The following SLC43A2 variants were observed in gnomAD, a reference collection of about 807,000 sequenced individuals.
The protein encoded by SLC43A2 is large neutral amino acids transporter small subunit 4.
SLC43A2 carries 38 observed loss-of-function variants against 63.2 expected under a neutral mutation model. The ratio of observed to expected loss-of-function variants is 0.60; its 90% CI spans 0.46 to 0.79. The LOEUF is 0.79. Ranked by LOEUF, SLC43A2 falls within the 30% of genes least tolerant of loss-of-function variation. SLC43A2 has a pLI of 0.00. For synonymous variants in SLC43A2, 322 were observed against 331.0 expected, an observed-to-expected ratio of 0.97 and a Z score of 0.30; for missense variants, 644 against 756.2, an observed-to-expected ratio of 0.85 and a Z score of 1.74.
intron 9 of SLC43A2, 132 bp downstream of exon 9, chr17:1,590,670 C>T (rs1000866281): frequency 4.3e-6 from 5 of 1,168,926 alleles, no homozygotes; most frequent in Middle Eastern, 5.6e-4. Context: ...CTCTGACGGG[C>T]AGACAGCTCC....
rs1171380523 is a variant in SLC43A2 at position 1,605,401 on chromosome 17, C to T, written c.501+7794G>A. On this transcript the variant is annotated intron_variant, in intron 5 of 13. Transcript: ENST00000301335. This position sits in a 1 kb window ranked among gnomAD's most constrained non-coding sequence, Gnocchi z 4.9. ...CCAAGGCCCTGGGACAGTGCGGGCG[C>T]GGGAGCTTCTCTAAGATGCCGGACG... 3.4e-5 allele frequency: 7 copies of T among 207,336 alleles called. No individual in the cohort carries two copies. Among genetic ancestry groups the T allele is most frequent in the African/African-American group, 9.4e-5 (4 of 42,386 alleles). The allele number at this position is 207,336 out of a possible 1,614,324, so 12.8% of individuals were successfully genotyped here.
intron 3 of SLC43A2, among the ~76,000 whole-genome samples, chr17:1,615,615 G>T (rs537679503): frequency 1.3e-3 from 202 of 149,972 alleles, no homozygotes; most frequent in African/African-American, 4.4e-3. Flanking sequence ...AGGCCGAGGC[G>T]GGCAGATCAC....
At chr17:1,616,444 C>T in intron 3 of SLC43A2, 118 bp downstream of exon 3, 2 of 1,016,512 alleles carry the variant, frequency 2.0e-6, no homozygotes, top group Admixed American at 5.1e-5. Flanking sequence ...TCTGGAGGGC[C>T]TTCAGGGAGC....
intron 5 of SLC43A2, among the ~76,000 whole-genome samples, chr17:1,609,336 G>T (rs1384382952): frequency 3.3e-5 from 5 of 152,226 alleles, no homozygotes; most frequent in Non-Finnish European, 7.4e-5. Context: ...CAAGTAGCTG[G>T]GATTACAGGC....
intron 3 of SLC43A2, 105 bp from the exon 4 acceptor site, chr17:1,615,139 G>C: frequency 1.5e-6 from 2 of 1,379,222 alleles, no homozygotes; most frequent in Middle Eastern, 1.8e-4. Flanking sequence ...ACAGAGCCTT[G>C]CTCTGTCACC....
At chr17:1,599,564 G>A (rs1174252739) in intron 5 of SLC43A2, among the ~76,000 whole-genome samples, 1 of 151,738 alleles carries the variant, frequency 6.6e-6, no homozygotes, top group Admixed American at 6.6e-5. Flanking sequence ...AGCTGGGCGT[G>A]GTGGCAGGCA....
At chr17:1,607,613 G>C (rs573889881) in intron 5 of SLC43A2, among the ~76,000 whole-genome samples, 2 of 152,266 alleles carry the variant, frequency 1.3e-5, no homozygotes, top group Admixed American at 6.5e-5. Flanking sequence ...GGGTGTGAAT[G>C]GTGGGTGTCA....
intron 5 of SLC43A2, among the ~76,000 whole-genome samples, chr17:1,609,831 A>G (rs1906936509): frequency 6.6e-6 from 1 of 152,132 alleles, no homozygotes; most frequent in African/African-American, 2.4e-5. Flanking sequence ...TTTTTAAGAA[A>G]AAAAAAAAGA....
chr17:1,585,298 A>G (rs956166439), intron 10 of SLC43A2: 12 of 954,908 alleles, frequency 1.3e-5, no homozygotes, highest in Non-Finnish European at 1.5e-5. Flanking sequence ...TGGAAGTGCA[A>G]TGGCGTGATC....
chr17:1,582,933 G>C (rs1303892837), intron 11 of SLC43A2, among the ~76,000 whole-genome samples: 1 of 152,130 alleles, frequency 6.6e-6, no homozygotes, highest in Admixed American at 6.5e-5. Context: ...ACAAAAATTA[G>C]CTGGGCGTGA....
chr17:1,604,446 C>G (rs944217221), intron 5 of SLC43A2: 1 of 450,368 alleles, frequency 2.2e-6, no homozygotes, highest in African/African-American at 2.0e-5. Flanking sequence ...CTCTACTGAT[C>G]AGCAGGACAC....
At chr17:1,595,729 G>A (rs1002681704) in intron 5 of SLC43A2, among the ~76,000 whole-genome samples, 10 of 151,916 alleles carry the variant, frequency 6.6e-5, no homozygotes, top group Admixed American at 6.6e-4. Flanking sequence ...ACAGGCATCA[G>A]CCATCACGCC....
chr17:1,610,706 C>T (rs1907014538), intron 5 of SLC43A2, among the ~76,000 whole-genome samples: 1 of 150,428 alleles, frequency 6.6e-6, no homozygotes, highest in Non-Finnish European at 1.5e-5. Context: ...AGTAAGACCC[C>T]ATCTGTAAAA....
chr17:1,624,018 G>A (rs148362724), intron 2 of SLC43A2, among the ~76,000 whole-genome samples: 181 of 152,322 alleles, frequency 1.2e-3, no homozygotes, highest in African/African-American at 4.1e-3. Flanking sequence ...TTGGGGGCCC[G>A]ACCACCCCCT....
At chr17:1,588,586 A>C (rs1223158586) in intron 9 of SLC43A2, among the ~76,000 whole-genome samples, 1 of 150,502 alleles carries the variant, frequency 6.6e-6, no homozygotes, top group African/African-American at 2.5e-5. Flanking sequence ...AGTCCCAGAT[A>C]CTTAGGAGGC....
At chr17:1,581,115 A>C (rs568060582) in intron 11 of SLC43A2, among the ~76,000 whole-genome samples, 2 of 151,956 alleles carry the variant, frequency 1.3e-5, no homozygotes, top group South Asian at 2.1e-4. Flanking sequence ...CATCCCGCTC[A>C]GCAGCCAGGA....
At position 1,583,690 on chromosome 17, in the gene SLC43A2, C is replaced by T. The variant is rs764063830; in HGVS notation, c.1218-354G>A. The T allele has an allele frequency of 4.5e-6, 1 of 223,224 alleles. No homozygotes were observed. Among genetic ancestry groups the T allele is most frequent in the Non-Finnish European group, 9.0e-6 (1 of 110,866 alleles). The allele number at this position is 223,224 out of a possible 1,614,324, so 13.8% of individuals were successfully genotyped here. On this transcript the variant is annotated intron_variant, in intron 10 of 13. Coordinates refer to ENST00000301335, the MANE Select transcript of SLC43A2 (RefSeq NM_152346.3). The surrounding 1 kb of genome is among the most constrained non-coding windows in gnomAD (Gnocchi z 5.5). ...ACTTCACCACTGGCTTCAAGTTCAC[C>T]CAAATCTTGCAGGACGCTGATAAGA...
chr17:1,629,711 C>T (rs1019392294), upstream of SLC43A2, among the ~76,000 whole-genome samples: 10 of 152,234 alleles, frequency 6.6e-5, no homozygotes, highest in African/African-American at 2.4e-4. Flanking sequence ...CCCCGTTCCC[C>T]GTCCCTTTCA....
At chr17:1,586,118 A>G in intron 9 of SLC43A2, 67 bp from the exon 10 acceptor site, 1 of 1,506,516 alleles carries the variant, frequency 6.6e-7, no homozygotes, top group Non-Finnish European at 8.9e-7. Context: ...ACTGGGCACC[A>G]GCTGGGAAGG....
Sources: gnomAD v4.1 joint callset for allele counts (sites outside exome capture counted in the v4.1 genomes callset) on GRCh38, gnomAD v4.1.1 for gene constraint, Gnocchi (gnomAD v3.1) non-coding constraint, MANE v1.5 for transcripts, NCBI Gene and HGNC (gene_info 2026-07-23, HGNC 2026-07-21) for gene names.